The following ZNF652 variants were observed in gnomAD, a reference collection of about 807,000 sequenced individuals.
ZNF652 encodes the protein zinc finger protein 652.
Under a neutral mutation model 45.2 loss-of-function variants are expected in ZNF652, and 16 were observed. The observed-to-expected ratio is 0.35, with a 90% CI of 0.24 to 0.54. The LOEUF (loss-of-function observed/expected upper bound fraction) is 0.54, where lower values mean the gene tolerates loss of function less well. Among genes scored for constraint, ZNF652 ranks in the 20% least tolerant of loss-of-function variants. The pLI, the probability that ZNF652 is intolerant of heterozygous loss-of-function variation, is 0.91. For synonymous variants in ZNF652, 250 were observed against 260.6 expected (o/e 0.96, Z 0.39); for missense variants, 614 against 765.6 (o/e 0.80, Z 2.34).
intron 1 of ZNF652, among the ~76,000 whole-genome samples, chr17:49,322,668 G>T (rs1219975719): frequency 6.6e-6 from 1 of 152,110 alleles, no homozygotes; most frequent in Non-Finnish European, 1.5e-5. Context: ...GGCAGATCAC[G>T]AGGTCAGGAG....
chr17:49,317,037 G>A lies in ZNF652; in HGVS notation c.689C>T (p.Pro230Leu). The A allele has an allele frequency of 6.2e-7, 1 of 1,614,006 alleles. No homozygotes were observed. The highest frequency in any genetic ancestry group is 1.1e-5 in the South Asian group (1 of 91,068). The change falls in exon 2 of 6, where the codon CCC becomes CTC. Residue 230 changes from proline to leucine, a missense_variant. Transcript: ENST00000430262. ...PKRKKRATKE[P>L]KAPVQKAKCE... ...CTTAGCTTTCTGGACTGGTGCTTTGGGCTCCTTTGTGGCCCGCTTCTTACG... is the reference window on the plus strand; with the variant it reads ...CTTAGCTTTCTGGACTGGTGCTTTGAGCTCCTTTGTGGCCCGCTTCTTACG...
chr17:49,319,635 CAAAAAAAAAAA>C (rs35770760), intron 1 of ZNF652, among the ~76,000 whole-genome samples: 8 of 46,248 alleles, frequency 1.7e-4, no homozygotes, highest in African/African-American at 6.5e-4. Flanking sequence ...GACTCTGTCT[CAAAAAAAAAAA>C]AAAAAAAAAA....
At chr17:49,358,470 A>G (rs968271464) in intron 1 of ZNF652, among the ~76,000 whole-genome samples, 1 of 152,194 alleles carries the variant, frequency 6.6e-6, no homozygotes, top group Non-Finnish European at 1.5e-5. Context: ...AAGACAATCC[A>G]CTTTTTTTTG....
chr17:49,321,553 A>G (rs976994881), intron 1 of ZNF652, among the ~76,000 whole-genome samples: 86 of 150,524 alleles, frequency 5.7e-4, no homozygotes, highest in African/African-American at 2.0e-3. Context: ...TACAGGCGTG[A>G]GCCACCGTGC....
intron 1 of ZNF652, among the ~76,000 whole-genome samples, chr17:49,318,284 G>A (rs963487282): frequency 6.6e-6 from 1 of 152,062 alleles, no homozygotes; most frequent in African/African-American, 2.4e-5. Context: ...TGCCATCTTG[G>A]CCAGGCTGGT....
rs1196131206 is a variant in ZNF652 at position 49,315,587 on chromosome 17, A to T, written c.900+1239T>A. Among the ~76,000 whole-genome samples the T allele has an allele frequency of 2.0e-5, 3 of 151,536 alleles. No individual in the cohort carries two copies. In the East Asian group the frequency reaches 5.8e-4, roughly 29 times the overall value. On this transcript the variant is annotated intron_variant, in intron 2 of 5. Transcript: ENST00000430262. ...AAAAAAAAAAAAACCCACAAAACCT[A>T]TATATAAAGATCAAGAACGCTTTCA...
rs1200586395 is a variant in ZNF652, at chr17:49,317,703, C to T, written c.23G>A (p.Cys8Tyr). Residue 8 changes from cysteine to tyrosine, a missense_variant, in exon 2 of 6, where the codon TGT (cysteine) becomes TAT (tyrosine). Physicochemically the swap from Cys to Tyr is radical, Grantham distance 194. Around this residue, in one of 5 missense-constraint regions of ZNF652, gnomAD observed 133 missense variants for 132.2 expected, o/e 1.01. Coordinates refer to ENST00000430262, the MANE Select transcript of ZNF652 (RefSeq NM_001145365.3). ...AGCACAGTTTTCAACCAGCTCCTGA[C>T]AAGAACTGGCTGTGTGGCTCATTGG... The part of the protein sequence containing the change: MSHTASS[C>Y]QELVENCAVH... 7 of 1,595,132 alleles carry T rather than the reference C, an allele frequency of 4.4e-6. No individual in the cohort carries two copies. The highest frequency in any genetic ancestry group is 5.1e-6 in the Non-Finnish European group (6 of 1,165,576).
At chr17:49,359,962 A>C (rs2070375501) in intron 1 of ZNF652, among the ~76,000 whole-genome samples, 1 of 152,232 alleles carries the variant, frequency 6.6e-6, no homozygotes, top group African/African-American at 2.4e-5. Flanking sequence ...ATAAAGATTC[A>C]GGATAGGCAT....
intron 1 of ZNF652, among the ~76,000 whole-genome samples, chr17:49,353,499 C>T (rs1270158417): frequency 5.9e-5 from 9 of 151,724 alleles, no homozygotes; most frequent in Admixed American, 3.9e-4. Flanking sequence ...TTTTTTGAGA[C>T]AGAGTCTCGC....
intron 1 of ZNF652, among the ~76,000 whole-genome samples, chr17:49,346,263 C>A (rs2070203869): frequency 6.6e-6 from 1 of 152,150 alleles, no homozygotes; most frequent in African/African-American, 2.4e-5. Flanking sequence ...TATAAAAAAA[C>A]AAACAGGATG....
chr17:49,331,566 A>G (rs1381373702), intron 1 of ZNF652, among the ~76,000 whole-genome samples: 2 of 152,196 alleles, frequency 1.3e-5, no homozygotes, highest in East Asian at 3.8e-4. Context: ...TGACTAGATC[A>G]TTGTGAACCT....
At chr17:49,353,867 T>C (rs898166655) in intron 1 of ZNF652, among the ~76,000 whole-genome samples, 2 of 152,238 alleles carry the variant, frequency 1.3e-5, no homozygotes, top group East Asian at 1.9e-4. Context: ...CCTGCAAGAG[T>C]TGGCTTCTGT....
At chr17:49,359,905 A>T (rs2070374792) in intron 1 of ZNF652, among the ~76,000 whole-genome samples, 2 of 152,228 alleles carry the variant, frequency 1.3e-5, no homozygotes, top group African/African-American at 4.8e-5. Flanking sequence ...CCGCTATGAG[A>T]ATGATATAGC....
At chr17:49,308,304 A>T (rs1348642437) in intron 5 of ZNF652, among the ~76,000 whole-genome samples, 1 of 151,800 alleles carries the variant, frequency 6.6e-6, no homozygotes, top group African/African-American at 2.4e-5. Flanking sequence ...CAGCCTCCCA[A>T]GTAGCTGGGA....
chr17:49,334,557 T>G (rs749652228), intron 1 of ZNF652, among the ~76,000 whole-genome samples: 1 of 152,056 alleles, frequency 6.6e-6, no homozygotes, highest in Admixed American at 6.6e-5. Flanking sequence ...GGCAGGTGAA[T>G]TGCTAGAGTT....
At chr17:49,321,724 A>AC in intron 1 of ZNF652, among the ~76,000 whole-genome samples, 1 of 152,190 alleles carries the variant, frequency 6.6e-6, no homozygotes, top group East Asian at 1.9e-4. Context: ...GCTGGGTGGA[A>AC]GGAGGCAAGG....
intron 1 of ZNF652, among the ~76,000 whole-genome samples, chr17:49,338,716 A>G (rs2070111375): frequency 6.6e-6 from 1 of 152,206 alleles, no homozygotes; most frequent in Non-Finnish European, 1.5e-5. Flanking sequence ...CTACATATTT[A>G]GGAGATATCA....
intron 1 of ZNF652, among the ~76,000 whole-genome samples, chr17:49,354,990 T>C (rs1419351468): frequency 6.6e-6 from 1 of 152,126 alleles, no homozygotes; most frequent in Admixed American, 6.5e-5. Flanking sequence ...CCTCCCAAAG[T>C]GCTGGGATTA....
intron 1 of ZNF652, among the ~76,000 whole-genome samples, chr17:49,328,134 T>C (rs1172430000): frequency 6.6e-6 from 1 of 152,016 alleles, no homozygotes. Context: ...TACTTAGCAA[T>C]AGTAAGCACT....
Sources: gnomAD v4.1 joint callset for allele counts (sites outside exome capture counted in the v4.1 genomes callset) on GRCh38, gnomAD v4.1.1 for gene constraint, gnomAD v4.1.1 regional missense constraint, MANE v1.5 for transcripts, NCBI Gene and HGNC (gene_info 2026-07-23, HGNC 2026-07-21) for gene names.